The following FAT1 variants were observed in gnomAD, a reference collection of about 807,000 sequenced individuals.
The protein encoded by FAT1 is protocadherin Fat 1.
A neutral mutation model predicts 329.8 loss-of-function variants in FAT1; 171 were observed. That is an observed-to-expected ratio of 0.52 (90% CI 0.46 to 0.59). FAT1 has a LOEUF of 0.59. Ranked by LOEUF, FAT1 falls within the 20% of genes least tolerant of loss-of-function variation. The probability of loss-of-function intolerance (pLI) is 0.00; values close to 1 mark genes in which losing one functional copy is unlikely to be tolerated. For missense variants in FAT1, 5,672 were observed against 5,774.4 expected, an observed-to-expected ratio of 0.98 and a Z score of 0.57; for synonymous variants, 2,233 against 2,228.6, an observed-to-expected ratio of 1.00 and a Z score of -0.06.
chr4:186,588,444 T>C lies in FAT1; in HGVS notation c.*148A>G. 1 of 914,018 alleles carries C rather than the reference T, an allele frequency of 1.1e-6. No homozygotes were observed. Among genetic ancestry groups the C allele is most frequent in the Non-Finnish European group, 1.6e-6 (1 of 625,612 alleles). The allele number at this position is 914,018 out of a possible 1,614,324, so 56.6% of individuals were successfully genotyped here. The stretch of plus-strand genomic sequence containing the variant: ...CAGTAGTTGGGACACTGGAAATGGC[T>C]AGCACGTCCAGAGGCGCAGGATCCA... On this transcript the variant is annotated 3_prime_UTR_variant, in exon 27 of 27. Coordinates refer to ENST00000441802, the MANE Select transcript of FAT1 (RefSeq NM_005245.4).
At chr4:186,637,884 C>T (rs1389134031) in intron 4 of FAT1, among the ~76,000 whole-genome samples, 2 of 152,126 alleles carry the variant, frequency 1.3e-5, no homozygotes, top group African/African-American at 2.4e-5. Flanking sequence ...TAAGTAGTTG[C>T]TTTATATTAT....
At chr4:186,720,051 C>A (rs1255354356) in intron 1 of FAT1, among the ~76,000 whole-genome samples, 3 of 152,220 alleles carry the variant, frequency 2.0e-5, no homozygotes, top group Non-Finnish European at 4.4e-5. Context: ...TTTCCCAACA[C>A]TACTTCTTAT....
rs1316533546 is a variant in FAT1 at position 186,633,688 on chromosome 4, G to A, written c.4319C>T (p.Thr1440Ile). The A allele has an allele frequency of 6.2e-7, 1 of 1,613,860 alleles. No individual in the cohort carries two copies. The highest frequency in any genetic ancestry group is 1.7e-5 in the Admixed American group (1 of 60,018). Reference protein sequence around the residue: ...EATDGTTTILTQVFIKVIDTN... With the variant: ...EATDGTTTILIQVFIKVIDTN... ...TGTCATTAGTAATTCACTTACCTGAGTGAGGATAGTGGTGGTTCCATCTGT... is the reference window on the plus strand; with the variant it reads ...TGTCATTAGTAATTCACTTACCTGAATGAGGATAGTGGTGGTTCCATCTGT... Residue 1440 changes from threonine (T) to isoleucine (I), a missense_variant, in exon 7 of 27, where the codon ACT becomes ATT. Physicochemically the swap from Thr to Ile is moderately conservative, Grantham distance 89 (BLOSUM62 -1). Coordinates refer to ENST00000441802, the MANE Select transcript of FAT1 (RefSeq NM_005245.4).
At chr4:186,710,352 G>A (rs570640664) in intron 1 of FAT1, among the ~76,000 whole-genome samples, 2 of 152,154 alleles carry the variant, frequency 1.3e-5, no homozygotes, top group Admixed American at 6.5e-5. Context: ...TTTACATGGC[G>A]CTCCATAAGA....
chr4:186,597,779 G>A lies in FAT1; in HGVS notation c.12271C>T (p.Pro4091Ser), dbSNP rs2126400031. ...LYTGQRCQLSPYCKDEPCKNG... is the reference protein window; with the variant it reads ...LYTGQRCQLSSYCKDEPCKNG... ...TTACAGGGTTCATCTTTGCAGTATG[G>A]ACTAAGCTGACACCTGAAGAGTAAG... is the stretch of plus-strand genomic sequence containing the variant. The change falls in exon 24 of 27, where the codon CCA becomes TCA. Residue 4091 changes from proline (P) to serine (S), a missense_variant. By Grantham distance (74) the Pro-to-Ser change is moderately conservative (BLOSUM62 -1). This residue lies in a region of FAT1 where 1,706 missense variants were observed against 1,859.1 expected (regional missense o/e 0.92). Coordinates refer to ENST00000441802, the MANE Select transcript of FAT1 (RefSeq NM_005245.4). 6.2e-7 allele frequency: 1 copy of A among 1,613,314 alleles called. No homozygotes were observed. The highest frequency in any genetic ancestry group is 8.5e-7 in the Non-Finnish European group (1 of 1,179,360).
Position 186,619,480 on chromosome 4 carries a change from G to C in FAT1, c.7106C>G (p.Thr2369Arg), listed in dbSNP as rs201741692. Residue 2369 changes from threonine to arginine, a missense_variant, in exon 10 of 27, where the codon ACG becomes AGG. Transcript: ENST00000441802. ...FVRAVDGGMP[T>R]LSSDVIVTVD... is the part of the protein sequence containing the mutation. ...CGTGACAATCACATCACTGCTCAGC[G>C]TGGGCATACCACCATCAACTGCCCT... 1 of 1,613,958 alleles carries C rather than the reference G, an allele frequency of 6.2e-7. No individual in the cohort carries two copies.
At position 186,609,335 on chromosome 4, in the gene FAT1, A is replaced by G; in HGVS notation, c.10069-15T>C. On this transcript the variant is annotated splice_polypyrimidine_tract_variant and intron_variant, in intron 15 of 26. Transcript: ENST00000441802. ...TCGGCCATAACCTAGAACACACCAC[A>G]CTCCTGTTTAGGAGACAGCTAAGAA... 7 of 1,611,492 alleles carry G rather than the reference A, an allele frequency of 4.3e-6. No homozygotes were observed. The highest frequency in any genetic ancestry group is 2.2e-5 in the East Asian group (1 of 44,840).
rs749735949 is a variant in FAT1, at chr4:186,709,016, G to T, written c.812C>A (p.Pro271Gln). 3 of 1,614,024 alleles carry T rather than the reference G, an allele frequency of 1.9e-6. No individual in the cohort carries two copies. The highest frequency in any genetic ancestry group is 2.5e-6 in the Non-Finnish European group (3 of 1,179,898). The part of the protein sequence containing the change: ...TLSPSELDRD[P>Q]AYAIVTVDDC... Reference sequence around the variant, plus strand: ...ATCCACTGTCACAATTGCATATGCTGGGTCCCTGTCCAGTTCTGATGGTGA... The same window carrying T: ...ATCCACTGTCACAATTGCATATGCTTGGTCCCTGTCCAGTTCTGATGGTGA... Residue 271 changes from proline (P) to glutamine (Q), a missense_variant, in exon 2 of 27, where the codon CCA becomes CAA. Pro to Gln is a moderately conservative substitution (Grantham distance 76, BLOSUM62 -1). This residue lies in a region of FAT1 where 3,966 missense variants were observed against 3,915.2 expected (regional missense o/e 1.01). Transcript: ENST00000441802.
intron 1 of FAT1, among the ~76,000 whole-genome samples, chr4:186,711,277 G>T (rs769567455): frequency 5.3e-5 from 8 of 152,182 alleles, no homozygotes; most frequent in Non-Finnish European, 1.2e-4. Flanking sequence ...ATTGAACCAC[G>T]TTCAAGTTGG....
At chr4:186,589,751 T>C (rs1738148119) in intron 26 of FAT1, among the ~76,000 whole-genome samples, 1 of 152,180 alleles carries the variant, frequency 6.6e-6, no homozygotes, top group South Asian at 2.1e-4. Context: ...AGGCTGGTCT[T>C]AAACTCCTGG....
chr4:186,678,070 T>C (rs1002916561), intron 2 of FAT1, among the ~76,000 whole-genome samples: 1 of 152,242 alleles, frequency 6.6e-6, no homozygotes, highest in African/African-American at 2.4e-5. Context: ...CATTTCATTT[T>C]AAAGTGACAT....
chr4:186,609,557 C>T (rs1739301563), intron 15 of FAT1, among the ~76,000 whole-genome samples: 1 of 152,090 alleles, frequency 6.6e-6, no homozygotes, highest in Non-Finnish European at 1.5e-5. Context: ...GCTGGGACTA[C>T]AGGCGCCCGC....
intron 25 of FAT1, 142 bp from the exon 26 acceptor site, chr4:186,595,968 C>T: frequency 3.6e-6 from 3 of 841,694 alleles, no homozygotes; most frequent in Non-Finnish European, 5.4e-6. Flanking sequence ...AACAGAAACA[C>T]CTTACAAACT....
rs767481218 is a variant in FAT1 at position 186,600,314 on chromosome 4, G to C, written c.11687C>G (p.Pro3896Arg). Residue 3896 changes from proline to arginine, a missense_variant, in exon 22 of 27, where the codon CCT becomes CGT. By Grantham distance (103) the Pro-to-Arg change is moderately radical. This residue lies in a region of FAT1 where 1,706 missense variants were observed against 1,859.1 expected (regional missense o/e 0.92). Transcript: ENST00000441802. ...LQYKFDCGSG[P>R]GIVSVQSIQV... ...AATGCTCTGAACAGAGACAATTCCA[G>C]GGCCACTTCCACAGTCAAACTTGTA... 1.9e-6 allele frequency: 3 copies of C among 1,613,466 alleles called. No individual in the cohort carries two copies. In the African/African-American group the frequency reaches 4.0e-5, roughly 22 times the overall value.
chr4:186,633,869 C>A (rs777356219), intron 6 of FAT1, 46 bp from the exon 7 acceptor site: 109 of 1,608,170 alleles, frequency 6.8e-5, no homozygotes, highest in Non-Finnish European at 9.2e-5. Context: ...GGATAACACT[C>A]TGTAGTTTAT....
At chr4:186,677,505 T>G (rs766951419) in intron 2 of FAT1, among the ~76,000 whole-genome samples, 1 of 151,368 alleles carries the variant, frequency 6.6e-6, no homozygotes, top group African/African-American at 2.4e-5. Context: ...TTTTTTTTAA[T>G]GAAGAACGGT....
intron 3 of FAT1, among the ~76,000 whole-genome samples, chr4:186,654,712 C>T (rs760852735): frequency 1.3e-5 from 2 of 151,988 alleles, no homozygotes; most frequent in African/African-American, 2.4e-5. Flanking sequence ...AAGTTGGAGA[C>T]CAGCCTGAGC....
At position 186,708,107 on chromosome 4, in the gene FAT1, C is replaced by T. The variant is rs1447087550; in HGVS notation, c.1721G>A (p.Cys574Tyr). The T allele has an allele frequency of 6.2e-7, 1 of 1,613,970 alleles. No homozygotes were observed. ...TAGATCTCTGGGAATTGTCCCTTCA[C>T]AATTTATTTTCTCAAACAAAGGTGT... ...DNTPLFEKIN[C>Y]EGTIPRDLGV... The change falls in exon 2 of 27, where the codon TGT becomes TAT. Residue 574 changes from cysteine (C) to tyrosine (Y), a missense_variant. Coordinates refer to ENST00000441802, the MANE Select transcript of FAT1 (RefSeq NM_005245.4).
intron 1 of FAT1, among the ~76,000 whole-genome samples, chr4:186,711,764 A>C (rs951174875): frequency 6.6e-6 from 1 of 152,176 alleles, no homozygotes; most frequent in Non-Finnish European, 1.5e-5. Context: ...TACTAAAAAT[A>C]CAAAAATTAG....
Sources: gnomAD v4.1 joint callset for allele counts (sites outside exome capture counted in the v4.1 genomes callset) on GRCh38, gnomAD v4.1.1 for gene constraint, gnomAD v4.1.1 regional missense constraint, MANE v1.5 for transcripts, NCBI Gene and HGNC (gene_info 2026-07-23, HGNC 2026-07-21) for gene names.